Variants in NUBPL observed in about 807,000 individuals in gnomAD.
NUBPL encodes NUBP iron-sulfur cluster assembly factor, mitochondrial, also known as iron-sulfur cluster transfer protein NUBPL.
NUBPL carries 31 observed loss-of-function variants against 45.7 expected under a neutral mutation model. The ratio of observed to expected loss-of-function variants is 0.68; its 90% CI spans 0.51 to 0.92. The LOEUF (loss-of-function observed/expected upper bound fraction) is 0.92. Among genes scored for constraint, NUBPL ranks in the 40% least tolerant of loss-of-function variants. The probability of loss-of-function intolerance (pLI) is 0.00; values close to 1 mark genes in which losing one functional copy is unlikely to be tolerated. For missense variants in NUBPL, 401 were observed against 398.7 expected (o/e 1.01, Z -0.05); for synonymous variants, 144 against 140.9 (o/e 1.02, Z -0.15).
At chr14:31,815,244 A>G (rs1341052687) in intron 7 of NUBPL, among the ~76,000 whole-genome samples, 1 of 151,882 alleles carries the variant, frequency 6.6e-6, no homozygotes, top group African/African-American at 2.4e-5. Flanking sequence ...CTCCTTGAAG[A>G]GGTCCTTCAC....
Position 31,561,429 on chromosome 14 carries a change from C to T in NUBPL, c.-11C>T. On this transcript the variant is annotated 5_prime_UTR_variant, in exon 1 of 11. Coordinates refer to ENST00000281081, the MANE Select transcript of NUBPL (RefSeq NM_025152.3). ...AGTTTCCCAGCAGGGCTCACAGCAGCGTTCCGCGTCATGGGGATTTGGCAG... is the reference window on the plus strand; with the variant it reads ...AGTTTCCCAGCAGGGCTCACAGCAGTGTTCCGCGTCATGGGGATTTGGCAG... 5 of 1,387,502 alleles carry T rather than the reference C, an allele frequency of 3.6e-6. No homozygotes were observed. The highest frequency in any genetic ancestry group is 3.8e-6 in the Non-Finnish European group (4 of 1,058,672). 85.9% of individuals were successfully genotyped at this position (1,387,502 alleles called of 1,614,324 possible).
chr14:31,599,334 GT>G lies in NUBPL; in HGVS notation c.339del (p.Pro114GlnfsTer3). 1 of 1,613,042 alleles carries G rather than the reference GT, an allele frequency of 6.2e-7. No individual in the cohort carries two copies. Among genetic ancestry groups the G allele is most frequent in the South Asian group, 1.1e-5 (1 of 91,052 alleles). ...LLDVDVYGPS[V>X]PKMMNLKGNP... Reference sequence around the variant, plus strand: ...AGATGTGGATGTGTATGGACCTTCAGTTCCAAAGATGATGAATCTGAAAGGA... The same window carrying G: ...AGATGTGGATGTGTATGGACCTTCAGTCCAAAGATGATGAATCTGAAAGGA... On this transcript the variant is annotated frameshift_variant, in exon 4 of 11. Transcript: ENST00000281081. LOFTEE classifies it high-confidence loss of function.
At chr14:31,638,735 G>A (rs1216991095) in intron 4 of NUBPL, among the ~76,000 whole-genome samples, 3 of 152,098 alleles carry the variant, frequency 2.0e-5, no homozygotes, top group Non-Finnish European at 2.9e-5. Flanking sequence ...CCAATCAGAC[G>A]TAGATTTGGT....
At chr14:31,631,521 A>G (rs994798533) in intron 4 of NUBPL, among the ~76,000 whole-genome samples, 1 of 151,708 alleles carries the variant, frequency 6.6e-6, no homozygotes, top group African/African-American at 2.4e-5. Context: ...GATTTATTAT[A>G]AGGAATTGGC....
intron 6 of NUBPL, among the ~76,000 whole-genome samples, chr14:31,738,820 A>G (rs1184544360): frequency 1.3e-5 from 2 of 152,170 alleles, no homozygotes; most frequent in African/African-American, 2.4e-5. Flanking sequence ...TAAAAATTAC[A>G]TTTTATTGAA....
intron 3 of NUBPL, among the ~76,000 whole-genome samples, chr14:31,582,124 T>C (rs2033878879): frequency 4.6e-5 from 7 of 152,124 alleles, no homozygotes; most frequent in Admixed American, 3.3e-4. Flanking sequence ...TCAAGGTGAA[T>C]TGGGTACTGG....
intron 6 of NUBPL, among the ~76,000 whole-genome samples, chr14:31,727,075 C>T (rs574407315): frequency 6.6e-6 from 1 of 152,200 alleles, no homozygotes; most frequent in East Asian, 1.9e-4. Flanking sequence ...AGAACACACC[C>T]ATGCTAATAG....
intron 6 of NUBPL, among the ~76,000 whole-genome samples, chr14:31,694,145 G>A (rs561198347): frequency 5.9e-5 from 9 of 152,120 alleles, no homozygotes; most frequent in East Asian, 1.9e-4. Flanking sequence ...GTGAGCCACC[G>A]TGCCTGGCCA....
chr14:31,712,041 A>G (rs144417988), intron 6 of NUBPL, among the ~76,000 whole-genome samples: 44,193 of 151,798 alleles, frequency 0.29, 7,305 homozygotes, highest in South Asian at 0.41. Context: ...TGTGAAGAGC[A>G]AAAGAACAAA....
chr14:31,650,869 T>C (rs1020115761), intron 4 of NUBPL, among the ~76,000 whole-genome samples: 8 of 152,096 alleles, frequency 5.3e-5, no homozygotes, highest in African/African-American at 1.9e-4. Flanking sequence ...GAAACTAGTA[T>C]ATGCAGAGAT....
At chr14:31,837,216 G>A (rs964875647) in intron 8 of NUBPL, among the ~76,000 whole-genome samples, 1 of 152,126 alleles carries the variant, frequency 6.6e-6, no homozygotes, top group Non-Finnish European at 1.5e-5. Context: ...AGCTACTTAG[G>A]AGGCTGAGGC....
At chr14:31,786,676 A>G (rs532001516) in intron 6 of NUBPL, among the ~76,000 whole-genome samples, 2 of 152,358 alleles carry the variant, frequency 1.3e-5, no homozygotes, top group East Asian at 3.9e-4. Flanking sequence ...AAATGAATGA[A>G]CAGGTGATTA....
At chr14:31,638,057 G>C (rs890782077) in intron 4 of NUBPL, among the ~76,000 whole-genome samples, 7 of 152,200 alleles carry the variant, frequency 4.6e-5, no homozygotes, top group Non-Finnish European at 8.8e-5. Context: ...GCCAGTCTGT[G>C]TCTTTTAATT....
At chr14:31,677,814 A>G (rs1387956488) in intron 6 of NUBPL, among the ~76,000 whole-genome samples, 1 of 152,174 alleles carries the variant, frequency 6.6e-6, no homozygotes, top group Non-Finnish European at 1.5e-5. Flanking sequence ...GCTACTGACT[A>G]TGTTTGCTCA....
intron 6 of NUBPL, among the ~76,000 whole-genome samples, chr14:31,758,080 C>T (rs2038712453): frequency 6.6e-6 from 1 of 152,114 alleles, no homozygotes; most frequent in Non-Finnish European, 1.5e-5. Context: ...ATCTTATTTT[C>T]TTCAAAATGC....
rs374975770 is a variant in NUBPL, at chr14:31,747,376, G to A, written c.514-40404G>A. On this transcript the variant is annotated intron_variant, in intron 6 of 10. Coordinates refer to ENST00000281081, the MANE Select transcript of NUBPL (RefSeq NM_025152.3). ...ATGGTCTTGATCTCCTGACCTTGTG[G>A]TCCACCCGCCTTGGCCTCCCAAAGT... is the stretch of plus-strand genomic sequence containing the variant. Among the ~76,000 whole-genome samples, 764 of 151,642 alleles carry A rather than the reference G, an allele frequency of 5.0e-3. 7 individuals carry two copies. Among genetic ancestry groups the A allele is most frequent in the African/African-American group, 0.017 (708 of 41,094 alleles).
At chr14:31,778,402 C>G (rs1216994396) in intron 6 of NUBPL, among the ~76,000 whole-genome samples, 2 of 152,090 alleles carry the variant, frequency 1.3e-5, no homozygotes, top group Non-Finnish European at 2.9e-5. Context: ...TGAATGCCCA[C>G]CAAGGTTAAA....
intron 6 of NUBPL, among the ~76,000 whole-genome samples, chr14:31,762,637 C>T (rs1049363913): frequency 6.6e-6 from 1 of 152,134 alleles, no homozygotes; most frequent in East Asian, 1.9e-4. Context: ...ATATACAGAA[C>T]TTTGTTGCCA....
Position 31,697,953 on chromosome 14 carries a change from T to C in NUBPL, c.513+24379T>C, listed in dbSNP as rs571380721. ...TCAGATGTCAAAAGCCTACTGGGGC[T>C]ATTTAAGCTCCAGGAAGACTTGAAC... On this transcript the variant is annotated intron_variant, in intron 6 of 10. Coordinates refer to ENST00000281081, the MANE Select transcript of NUBPL (RefSeq NM_025152.3). Among the ~76,000 whole-genome samples the C allele has an allele frequency of 2.1e-3, 322 of 152,244 alleles. 1 individual carries two copies. Among genetic ancestry groups the C allele is most frequent in the African/African-American group, 7.4e-3 (307 of 41,542 alleles).
Sources: gnomAD v4.1 joint callset for allele counts (sites outside exome capture counted in the v4.1 genomes callset) on GRCh38, gnomAD v4.1.1 for gene constraint, MANE v1.5 for transcripts, NCBI Gene and HGNC (gene_info 2026-07-23, HGNC 2026-07-21) for gene names.